The following RFTN1 variants were observed in gnomAD, a reference collection of about 807,000 sequenced individuals.
RFTN1 encodes the protein raftlin.
A neutral mutation model predicts 46.5 loss-of-function variants in RFTN1; 26 were observed. The observed-to-expected ratio is 0.56, with a 90% CI of 0.41 to 0.78. The LOEUF (loss-of-function observed/expected upper bound fraction) is 0.78, where lower values mean the gene tolerates loss of function less well. RFTN1 is among the 30% of genes least tolerant of loss of function. The probability of loss-of-function intolerance (pLI) is 0.00; values close to 1 mark genes in which losing one functional copy is unlikely to be tolerated. For synonymous variants in RFTN1, 261 were observed against 284.2 expected, an observed-to-expected ratio of 0.92 and a Z score of 0.82; for missense variants, 693 against 718.7, an observed-to-expected ratio of 0.96 and a Z score of 0.41.
At chr3:16,392,394 A>T (rs1006417221) in intron 4 of RFTN1, among the ~76,000 whole-genome samples, 3 of 151,760 alleles carry the variant, frequency 2.0e-5, no homozygotes, top group Non-Finnish European at 1.5e-5. Context: ...AAATTCCCAC[A>T]CTCATTATCT....
intron 1 of RFTN1, among the ~76,000 whole-genome samples, chr3:16,505,026 C>T (rs769349683): frequency 1.2e-4 from 18 of 152,314 alleles, no homozygotes; most frequent in Non-Finnish European, 1.8e-4. Flanking sequence ...TGGATGCTAT[C>T]CATTCCTCCA....
intron 5 of RFTN1, chr3:16,371,111 A>T (rs2073481054): frequency 6.6e-6 from 1 of 152,204 alleles, no homozygotes; most frequent in African/African-American, 2.4e-5. Context: ...CAATCAGTTG[A>T]CCCAGCTTAA....
chr3:16,408,275 C>T (rs942191598), intron 4 of RFTN1, among the ~76,000 whole-genome samples: 36 of 152,154 alleles, frequency 2.4e-4, no homozygotes, highest in African/African-American at 7.0e-4. Flanking sequence ...AAGTACCTTC[C>T]GGATCCCCTT....
intron 2 of RFTN1, among the ~76,000 whole-genome samples, chr3:16,482,079 A>T (rs1418823767): frequency 1.3e-5 from 2 of 152,146 alleles, no homozygotes; most frequent in African/African-American, 4.8e-5. Context: ...TACCTAAGGA[A>T]AGTGGTCACC....
In RFTN1 at chr3:16,475,528, G is replaced by C. The variant is rs949606214; in HGVS notation, c.145+18197C>G. On this transcript the variant is annotated intron_variant, in intron 2 of 9. Transcript: ENST00000334133. This position sits in a 1 kb window ranked among gnomAD's most constrained non-coding sequence, Gnocchi z 4.2. Reference sequence around the variant, plus strand: ...AATTACCCTACTGGGTGAGGTGAATGATCCCAATTTCCACAGGGAAACTGG... The same window carrying C: ...AATTACCCTACTGGGTGAGGTGAATCATCCCAATTTCCACAGGGAAACTGG... Among the ~76,000 whole-genome samples, 1 of 152,206 alleles carries C rather than the reference G, an allele frequency of 6.6e-6. No homozygotes were observed. Among genetic ancestry groups the C allele is most frequent in the Admixed American group, 6.5e-5 (1 of 15,280 alleles).
At position 16,473,860 on chromosome 3, in the gene RFTN1, C is replaced by A. The variant is rs967934881; in HGVS notation, c.145+19865G>T. Among the ~76,000 whole-genome samples, 2 of 152,190 alleles carry A rather than the reference C, an allele frequency of 1.3e-5. No homozygotes were observed. Among genetic ancestry groups the A allele is most frequent in the Non-Finnish European group, 2.9e-5 (2 of 68,034 alleles). On this transcript the variant is annotated intron_variant, in intron 2 of 9. Transcript: ENST00000334133. This position sits in a 1 kb window ranked among gnomAD's most constrained non-coding sequence, Gnocchi z 5.3. ...CCTAGAAGCACGAAACCTACCTCTC[C>A]GGGCTGCCCTCGCCCTTGTGAACAC...
chr3:16,376,450 TGA>T lies in RFTN1; in HGVS notation c.826+1266_826+1267del, dbSNP rs1482813834. 6.6e-6 allele frequency among the ~76,000 whole-genome samples: 1 copy of T among 152,068 alleles called. No homozygotes were observed. The highest frequency in any genetic ancestry group is 1.5e-5 in the Non-Finnish European group (1 of 68,006). ...CCTGGACCGTACAGAAGGACTCCAG[TGA>T]GGTCCATCTTCCTGCCCAGGATTCA... On this transcript the variant is annotated intron_variant, in intron 5 of 9. Transcript: ENST00000334133. This position sits in a 1 kb window ranked among gnomAD's most constrained non-coding sequence, Gnocchi z 4.7.
rs1453081870 is a variant in RFTN1 at position 16,317,714 on chromosome 3, CTG to C, written c.1333-484_1333-483del. Among the ~76,000 whole-genome samples the C allele has an allele frequency of 6.6e-6, 1 of 152,166 alleles. No homozygotes were observed. The highest frequency in any genetic ancestry group is 1.5e-5 in the Non-Finnish European group (1 of 68,030). On this transcript the variant is annotated intron_variant, in intron 9 of 9. Transcript: ENST00000334133. The surrounding 1 kb of genome is among the most constrained non-coding windows in gnomAD (Gnocchi z 4.3). ...CAGGGCCCAGAACATGGGGCAGACA[CTG>C]TGCTGTACCGCTCAGATCCCCCCAC...
chr3:16,433,927 CG>C lies in RFTN1; in HGVS notation c.255del (p.Phe85LeufsTer21). 2 of 1,614,158 alleles carry C rather than the reference CG, an allele frequency of 1.2e-6. No individual in the cohort carries two copies. The highest frequency in any genetic ancestry group is 1.7e-6 in the Non-Finnish European group (2 of 1,180,018). On this transcript the variant is annotated frameshift_variant, in exon 3 of 10. Coordinates refer to ENST00000334133, the MANE Select transcript of RFTN1 (RefSeq NM_015150.2). LOFTEE classifies it high-confidence loss of function. This position sits in a 1 kb window ranked among gnomAD's most constrained non-coding sequence, Gnocchi z 4.4. Reference protein sequence around the residue: ...QGFSLAALHPFVQPTHEREKT... With the variant: ...QGFSLAALHPXVQPTHEREKT... Reference sequence around the variant, plus strand: ...TTCTCCCGCTCATGGGTGGGCTGCACGAAGGGGTGCAGGGCCGCCAGCGAGA... The same window carrying C: ...TTCTCCCGCTCATGGGTGGGCTGCACAAGGGGTGCAGGGCCGCCAGCGAGA...
In RFTN1 at chr3:16,381,122, G is replaced by T. The variant is rs897951647; in HGVS notation, c.442-3020C>A. ...TCATGGAACAATTAATGCTTGAAAT[G>T]ACATATAAAAAGTCAAGATTCTAAA... On this transcript the variant is annotated intron_variant, in intron 4 of 9. Coordinates refer to ENST00000334133, the MANE Select transcript of RFTN1 (RefSeq NM_015150.2). The surrounding 1 kb of genome is among the most constrained non-coding windows in gnomAD (Gnocchi z 4.2). Among the ~76,000 whole-genome samples, 1 of 152,132 alleles carries T rather than the reference G, an allele frequency of 6.6e-6. No individual in the cohort carries two copies. The highest frequency in any genetic ancestry group is 1.5e-5 in the Non-Finnish European group (1 of 68,018).
intron 1 of RFTN1, among the ~76,000 whole-genome samples, chr3:16,503,728 C>T (rs2076752253): frequency 6.6e-6 from 1 of 152,184 alleles, no homozygotes; most frequent in South Asian, 2.1e-4. Context: ...GACACCCCTT[C>T]CCAGTCTCCT....
At chr3:16,430,727 C>G (rs2125488463) in intron 3 of RFTN1, among the ~76,000 whole-genome samples, 1 of 152,222 alleles carries the variant, frequency 6.6e-6, no homozygotes, top group Admixed American at 6.5e-5. Context: ...TCTGCTTGTC[C>G]AGGAGTTGAA....
rs1245514314 is a variant in RFTN1 at position 16,322,623 on chromosome 3, A to T, written c.1332+753T>A. Among the ~76,000 whole-genome samples, 1 of 152,204 alleles carries T rather than the reference A, an allele frequency of 6.6e-6. No homozygotes were observed. The highest frequency in any genetic ancestry group is 1.9e-4 in the East Asian group (1 of 5,186). On this transcript the variant is annotated intron_variant, in intron 9 of 9. Coordinates refer to ENST00000334133, the MANE Select transcript of RFTN1 (RefSeq NM_015150.2). The surrounding 1 kb of genome is among the most constrained non-coding windows in gnomAD (Gnocchi z 6.2). Reference sequence around the variant, plus strand: ...TGAAAATGTCCTCAGGAAAAGCACCACAGGCTGCTCAGGGTGGGGTGGGAA... The same window carrying T: ...TGAAAATGTCCTCAGGAAAAGCACCTCAGGCTGCTCAGGGTGGGGTGGGAA...
chr3:16,377,730 G>A lies in RFTN1; in HGVS notation c.814C>T (p.Pro272Ser), dbSNP rs1292695678. ...CTGACATACTTACTCCCTGAGAGTG[G>A]CTCTTCATGCACCTCCAAGGGGTTG... Reference protein sequence around the residue: ...ESNPLEVHEEPLSGKMEIFTL... With the variant: ...ESNPLEVHEESLSGKMEIFTL... Residue 272 changes from proline (P) to serine (S), a missense_variant, in exon 5 of 10, where the codon CCA (proline) becomes TCA (serine). Transcript: ENST00000334133. 6.3e-7 allele frequency: 1 copy of A among 1,592,878 alleles called. No individual in the cohort carries two copies.
In RFTN1 at chr3:16,427,840, A is replaced by G. The variant is rs1559341832; in HGVS notation, c.332+6011T>C. 6.6e-6 allele frequency among the ~76,000 whole-genome samples: 1 copy of G among 152,106 alleles called. No individual in the cohort carries two copies. Among genetic ancestry groups the G allele is most frequent in the Non-Finnish European group, 1.5e-5 (1 of 68,022 alleles). On this transcript the variant is annotated intron_variant, in intron 3 of 9. Transcript: ENST00000334133. This position sits in a 1 kb window ranked among gnomAD's most constrained non-coding sequence, Gnocchi z 5.4. ...ACGTTCCACTTGTTCCACAATGTCA[A>G]TAGTGGGAAGGCCCTTCCCACTTTT...
In RFTN1 at chr3:16,479,720, C is replaced by G. The variant is rs965494607; in HGVS notation, c.145+14005G>C. On this transcript the variant is annotated intron_variant, in intron 2 of 9. Transcript: ENST00000334133. The surrounding 1 kb of genome is among the most constrained non-coding windows in gnomAD (Gnocchi z 5.1). Reference sequence around the variant, plus strand: ...AGCAGCCCTGATGAGTCCACTCACCCCCAGGAAGCTCGTTTGATTGAGGTA... The same window carrying G: ...AGCAGCCCTGATGAGTCCACTCACCGCCAGGAAGCTCGTTTGATTGAGGTA... Among the ~76,000 whole-genome samples, 17 of 152,282 alleles carry G rather than the reference C, an allele frequency of 1.1e-4. No individual in the cohort carries two copies. The highest frequency in any genetic ancestry group is 4.1e-4 in the African/African-American group (17 of 41,562).
chr3:16,461,295 T>C (rs1389829519), intron 2 of RFTN1, among the ~76,000 whole-genome samples: 1 of 152,188 alleles, frequency 6.6e-6, no homozygotes, highest in Non-Finnish European at 1.5e-5. Context: ...TCTCCTCAAA[T>C]AGACTCTAAG....
In RFTN1 at chr3:16,410,658, G is replaced by T. The variant is rs893340080; in HGVS notation, c.333-1175C>A. ...TGGGAAAACAGCGTGGGTGTAAACG[G>T]CTGTCTGAGGTGAAGGCCTGTAGTC... is the stretch of plus-strand genomic sequence containing the variant. On this transcript the variant is annotated intron_variant, in intron 3 of 9. Coordinates refer to ENST00000334133, the MANE Select transcript of RFTN1 (RefSeq NM_015150.2). The surrounding 1 kb of genome is among the most constrained non-coding windows in gnomAD (Gnocchi z 4.6). Among the ~76,000 whole-genome samples the T allele has an allele frequency of 3.3e-5, 5 of 152,130 alleles. No individual in the cohort carries two copies. Among genetic ancestry groups the T allele is most frequent in the Non-Finnish European group, 7.4e-5 (5 of 68,012 alleles).
Position 16,316,075 on chromosome 3 carries a change from A to G in RFTN1, c.*753T>C, listed in dbSNP as rs549598743. 2.0e-5 allele frequency: 3 copies of G among 152,920 alleles called. No homozygotes were observed. In the South Asian group the frequency reaches 6.2e-4, roughly 32 times the overall value. 9.5% of individuals were successfully genotyped at this position (152,920 alleles called of 1,614,324 possible). On this transcript the variant is annotated 3_prime_UTR_variant, in exon 10 of 10. Transcript: ENST00000334133. This position sits in a 1 kb window ranked among gnomAD's most constrained non-coding sequence, Gnocchi z 4.5. ...TAAAATAGCACATAACAAGGGCGCCAGCCAGTCCCGATGCCCTGAAGTGAC... is the reference window on the plus strand; with the variant it reads ...TAAAATAGCACATAACAAGGGCGCCGGCCAGTCCCGATGCCCTGAAGTGAC...
Sources: gnomAD v4.1 joint callset for allele counts (sites outside exome capture counted in the v4.1 genomes callset) on GRCh38, gnomAD v4.1.1 for gene constraint, Gnocchi (gnomAD v3.1) non-coding constraint, MANE v1.5 for transcripts, NCBI Gene and HGNC (gene_info 2026-07-23, HGNC 2026-07-21) for gene names.